Variants in PDE10A observed in about 807,000 individuals in gnomAD.
PDE10A encodes cAMP and cAMP-inhibited cGMP 3',5'-cyclic phosphodiesterase 10A.
Under a neutral mutation model 97.7 loss-of-function variants are expected in PDE10A, and 39 were observed. The observed-to-expected ratio is 0.40, with a 90% CI of 0.31 to 0.52. PDE10A has a LOEUF of 0.52. Among genes scored for constraint, PDE10A ranks in the 20% least tolerant of loss-of-function variants. PDE10A has a pLI of 0.56. For synonymous variants in PDE10A, 371 were observed against 376.8 expected (o/e 0.98, Z 0.18); for missense variants, 731 against 1,047.8 (o/e 0.70, Z 4.17).
intron 1 of PDE10A, among the ~76,000 whole-genome samples, chr6:165,553,989 T>C (rs1784133905): frequency 6.6e-6 from 1 of 152,188 alleles, no homozygotes; most frequent in African/African-American, 2.4e-5. Context: ...AAGGATTTAA[T>C]GCTCCATCTC....
At chr6:165,514,277 T>C (rs1781667913) in intron 2 of PDE10A, among the ~76,000 whole-genome samples, 1 of 152,222 alleles carries the variant, frequency 6.6e-6, no homozygotes, top group Non-Finnish European at 1.5e-5. Context: ...TGATACGAGG[T>C]TAATACAAGA....
At chr6:165,563,587 TG>T (rs746791228) in intron 1 of PDE10A, among the ~76,000 whole-genome samples, 5 of 152,092 alleles carry the variant, frequency 3.3e-5, no homozygotes, top group Non-Finnish European at 7.4e-5. Context: ...ACATAAACCA[TG>T]GCTCAAAAAT....
chr6:165,332,968 G>A lies in PDE10A; in HGVS notation c.*57C>T. 1.3e-6 allele frequency: 1 copy of A among 780,532 alleles called. No homozygotes were observed. The highest frequency in any genetic ancestry group is 2.2e-6 in the Non-Finnish European group (1 of 445,824). The allele number at this position is 780,532 out of a possible 1,614,324, so 48.4% of individuals were successfully genotyped here. On this transcript the variant is annotated 3_prime_UTR_variant, in exon 22 of 22. Transcript: ENST00000539869. ...CCCCCCCCAAAAAAAGGAAAAGAAT[G>A]TCAAAGAAGCAAGATGAGGATCTGT... is the stretch of plus-strand genomic sequence containing the variant.
At position 165,819,827 on chromosome 6, in the gene PDE10A, A is replaced by C. The variant is rs1357330355; in HGVS notation, c.-615+167702T>G. ...AAGAAAGCTTTCCTTAAATGAATAC[A>C]TGAATGAATGATGGACTGAAATCAT... On this transcript the variant is annotated intron_variant, in intron 1 of 19. Coordinates refer to the PDE10A transcript ENST00000366882. This position sits in a 1 kb window ranked among gnomAD's most constrained non-coding sequence, Gnocchi z 4.2. Among the ~76,000 whole-genome samples the C allele has an allele frequency of 1.3e-5, 2 of 152,202 alleles. No individual in the cohort carries two copies. Among genetic ancestry groups the C allele is most frequent in the African/African-American group, 4.8e-5 (2 of 41,454 alleles).
At chr6:165,457,601 C>G (rs938601192) in intron 3 of PDE10A, among the ~76,000 whole-genome samples, 20 of 152,106 alleles carry the variant, frequency 1.3e-4, no homozygotes, top group Non-Finnish European at 2.2e-4. Context: ...CAGGTTCTGT[C>G]CAACATATGC....
At chr6:165,543,682 A>G in intron 1 of PDE10A, 114 bp from the exon 2 acceptor site, 3 of 769,784 alleles carry the variant, frequency 3.9e-6, no homozygotes, top group Non-Finnish European at 5.9e-6. Flanking sequence ...TCTAACGGAG[A>G]GAGGGCTGGA....
At chr6:165,408,434 G>T (rs1787396098) in intron 13 of PDE10A, among the ~76,000 whole-genome samples, 1 of 151,964 alleles carries the variant, frequency 6.6e-6, no homozygotes, top group Non-Finnish European at 1.5e-5. Context: ...AATTGCTCAA[G>T]AACAACCGCA....
intron 3 of PDE10A, among the ~76,000 whole-genome samples, chr6:165,455,469 C>T (rs1315125468): frequency 1.3e-5 from 2 of 152,102 alleles, no homozygotes; most frequent in Non-Finnish European, 2.9e-5. Flanking sequence ...GAAGAGCTTC[C>T]CAAGTAAAGA....
intron 13 of PDE10A, among the ~76,000 whole-genome samples, chr6:165,396,987 G>A (rs576177): frequency 0.17 from 25,269 of 151,980 alleles, 2,398 homozygotes; most frequent in African/African-American, 0.25. Flanking sequence ...CTGAATTTGG[G>A]GTGTTATTGG....
At chr6:165,853,248 T>A (rs1031443359) in intron 1 of PDE10A, among the ~76,000 whole-genome samples, 1 of 152,240 alleles carries the variant, frequency 6.6e-6, no homozygotes, top group Non-Finnish European at 1.5e-5. Context: ...AACTAGCCAT[T>A]TCACATTGGA....
intron 1 of PDE10A, among the ~76,000 whole-genome samples, chr6:165,720,983 GT>G (rs781755316): frequency 6.6e-6 from 1 of 152,190 alleles, no homozygotes; most frequent in Non-Finnish European, 1.5e-5. Context: ...AAGAAAGAAT[GT>G]TGAGGACGTA....
intron 1 of PDE10A, among the ~76,000 whole-genome samples, chr6:165,844,687 AT>A (rs1430566515): frequency 6.6e-6 from 1 of 152,178 alleles, no homozygotes; most frequent in East Asian, 1.9e-4. Flanking sequence ...ACTTTATCCT[AT>A]TTTCACTATT....
intron 1 of PDE10A, among the ~76,000 whole-genome samples, chr6:165,551,683 C>A (rs540244860): frequency 6.6e-6 from 1 of 152,098 alleles, no homozygotes; most frequent in African/African-American, 2.4e-5. Flanking sequence ...CACTTCCTCC[C>A]GTCTGAGGTT....
chr6:165,985,123 A>G lies in PDE10A; in HGVS notation c.-615+2406T>C, dbSNP rs372722724. On this transcript the variant is annotated intron_variant, in intron 1 of 19. Transcript: ENST00000366882. ...GCTGCAGGAAGGAATCGGTCACACA[A>G]ATAAGCCCTCTACCTAGCTGCCTAC... Among the ~76,000 whole-genome samples, 31 of 152,342 alleles carry G rather than the reference A, an allele frequency of 2.0e-4. 1 individual carries two copies. In the East Asian group the frequency reaches 3.1e-3, roughly 15 times the overall value.
intron 1 of PDE10A, among the ~76,000 whole-genome samples, chr6:165,906,025 CTTCCTTCCTTCCTTCCTTCCT>C (rs1323669072): frequency 0.074 from 600 of 8,092 alleles, 17 homozygotes; most frequent in East Asian, 0.11. Flanking sequence ...CCCTCCCTCC[CTTCCTTCCTTCCTTCCTTCCT>C]TCCCTCCCTC....
chr6:165,736,700 A>C (rs541878594), intron 1 of PDE10A, among the ~76,000 whole-genome samples: 1 of 152,378 alleles, frequency 6.6e-6, no homozygotes, highest in South Asian at 2.1e-4. Flanking sequence ...ATGTTAAGGA[A>C]AAAGAAATAC....
upstream of PDE10A, among the ~76,000 whole-genome samples, chr6:165,668,189 A>G (rs956639453): frequency 3.3e-5 from 5 of 152,234 alleles, no homozygotes; most frequent in Non-Finnish European, 7.3e-5. Context: ...TAAGAGAACT[A>G]AAGTCTGGTT....
chr6:165,936,424 A>T (rs1045141347), intron 1 of PDE10A, among the ~76,000 whole-genome samples: 4 of 152,228 alleles, frequency 2.6e-5, no homozygotes, highest in Admixed American at 6.5e-5. Flanking sequence ...ACAACAGGAG[A>T]AAATGTTGTC....
At chr6:165,981,346 A>G (rs1785009346) in intron 1 of PDE10A, among the ~76,000 whole-genome samples, 1 of 152,180 alleles carries the variant, frequency 6.6e-6, no homozygotes, top group Admixed American at 6.5e-5. Context: ...TTTGTCAGTT[A>G]TCATTTAGAT....
Sources: gnomAD v4.1 joint callset for allele counts (sites outside exome capture counted in the v4.1 genomes callset) on GRCh38, gnomAD v4.1.1 for gene constraint, Gnocchi (gnomAD v3.1) non-coding constraint, MANE v1.5 for transcripts, NCBI Gene and HGNC (gene_info 2026-07-23, HGNC 2026-07-21) for gene names.